CCDC158: variants seen among roughly 807,000 people sequenced by gnomAD.
The protein encoded by CCDC158 is coiled-coil domain-containing protein 158.
CCDC158 carries 116 observed loss-of-function variants against 138.6 expected under a neutral mutation model. The ratio of observed to expected loss-of-function variants is 0.84; its 90% CI spans 0.72 to 0.98. The LOEUF (loss-of-function observed/expected upper bound fraction) is 0.98. Ranked by LOEUF, CCDC158 falls within the 50% of genes least tolerant of loss-of-function variation. The pLI is 0.00. For synonymous variants in CCDC158, 436 were observed against 442.4 expected (o/e 0.99, Z 0.18); for missense variants, 1,265 against 1,306.1 (o/e 0.97, Z 0.48).
intron 7 of CCDC158, among the ~76,000 whole-genome samples, chr4:76,383,248 C>G (rs1726445847): frequency 6.6e-6 from 1 of 152,178 alleles, no homozygotes; most frequent in South Asian, 2.1e-4. Flanking sequence ...TCCTCCCACC[C>G]TCGATATCTG....
chr4:76,344,966 C>T, intron 18 of CCDC158: 1 of 1,492,038 alleles, frequency 6.7e-7, no homozygotes, highest in Non-Finnish European at 9.3e-7. Flanking sequence ...TGAAGAAGTC[C>T]TTTTTACTGG....
chr4:76,384,668 G>GA lies in CCDC158; in HGVS notation c.289-4dup, dbSNP rs548431192. The GA allele has an allele frequency of 4.2e-4, 658 of 1,567,014 alleles. 1 individual carries two copies. The highest frequency in any genetic ancestry group is 7.0e-4 in the East Asian group (31 of 44,226). On this transcript the variant is annotated splice_region_variant and splice_polypyrimidine_tract_variant and intron_variant, in intron 4 of 24. Coordinates refer to ENST00000682701, the MANE Select transcript of CCDC158 (RefSeq NM_001394954.1). ...TGTTTCTCATGCAATTCATTGCTCT[G>GA]AAAAAAAAAGCCATGCAAATTAATC...
At chr4:76,342,936 G>C (rs1434837326) in intron 18 of CCDC158, among the ~76,000 whole-genome samples, 4 of 152,284 alleles carry the variant, frequency 2.6e-5, no homozygotes, top group South Asian at 2.1e-4. Context: ...GATTGGCTAA[G>C]TCTATAGGAG....
chr4:76,359,863 C>G (rs560129533), intron 13 of CCDC158, among the ~76,000 whole-genome samples: 1 of 152,352 alleles, frequency 6.6e-6, no homozygotes, highest in African/African-American at 2.4e-5. Flanking sequence ...AAATTCAAGG[C>G]TGCAGAAATT....
At chr4:76,395,610 G>A (rs1200299292) in intron 4 of CCDC158, among the ~76,000 whole-genome samples, 1 of 152,144 alleles carries the variant, frequency 6.6e-6, no homozygotes, top group African/African-American at 2.4e-5. Context: ...GTCTGGAATA[G>A]CGCAGTATAT....
rs1402886299 is a variant in CCDC158 at position 76,369,468 on chromosome 4, G to A, written c.1305C>T (p.Leu435=). The part of the protein sequence containing the change: ...NMEVQRLEAL[L]KALKSECQGQ... ...CCTGACACTCGCTCTTCAAGGCCTTGAGCAGGGCTTCCAGGCGCTGCACCT... is the reference window on the plus strand; with the variant it reads ...CCTGACACTCGCTCTTCAAGGCCTTAAGCAGGGCTTCCAGGCGCTGCACCT... The change falls in exon 11 of 25, where the codon CTC becomes CTT. Residue 435 remains leucine (L), a synonymous_variant. Transcript: ENST00000682701. The A allele has an allele frequency of 6.2e-7, 1 of 1,614,174 alleles. No individual in the cohort carries two copies. The highest frequency in any genetic ancestry group is 1.7e-5 in the Admixed American group (1 of 60,028).
intron 18 of CCDC158, among the ~76,000 whole-genome samples, chr4:76,339,955 G>A (rs1305908800): frequency 6.6e-6 from 1 of 152,186 alleles, no homozygotes; most frequent in East Asian, 1.9e-4. Flanking sequence ...GCTTTCTAAA[G>A]GTAGATCACT....
At chr4:76,374,373 T>C (rs762199283) in intron 9 of CCDC158, among the ~76,000 whole-genome samples, 1 of 152,168 alleles carries the variant, frequency 6.6e-6, no homozygotes, top group African/African-American at 2.4e-5. Flanking sequence ...AAACACAAAC[T>C]TTACTGTTAC....
intron 2 of CCDC158, among the ~76,000 whole-genome samples, chr4:76,409,252 T>C (rs1265061505): frequency 6.6e-6 from 1 of 152,170 alleles, no homozygotes; most frequent in Non-Finnish European, 1.5e-5. Context: ...GGAATTGAAA[T>C]ATTTTTCCTA....
intron 4 of CCDC158, among the ~76,000 whole-genome samples, chr4:76,394,566 G>A (rs1177241285): frequency 6.6e-6 from 1 of 152,018 alleles, no homozygotes; most frequent in Admixed American, 6.6e-5. Context: ...GTATTTGATA[G>A]CACAACAGGG....
Position 76,325,869 on chromosome 4 carries a change from C to T in CCDC158, c.3157G>A (p.Asp1053Asn). Residue 1053 changes from aspartate (D) to asparagine (N), a missense_variant, in exon 23 of 25, where the codon GAT becomes AAT. By Grantham distance (23) the Asp-to-Asn change is conservative (BLOSUM62 1). Transcript: ENST00000682701. ...AGATCTTTCTTACCTTTAACAGAATCAGATGAATGAATAGGTTTGGCAGAT... is the reference window on the plus strand; with the variant it reads ...AGATCTTTCTTACCTTTAACAGAATTAGATGAATGAATAGGTTTGGCAGAT... ...YRSAKPIHSS[D>N]SVKDSQSPPI... 6.2e-7 allele frequency: 1 copy of T among 1,609,768 alleles called. No homozygotes were observed. Among genetic ancestry groups the T allele is most frequent in the Non-Finnish European group, 8.5e-7 (1 of 1,178,448 alleles).
At chr4:76,405,974 A>G (rs1466557597) in intron 2 of CCDC158, among the ~76,000 whole-genome samples, 1 of 152,210 alleles carries the variant, frequency 6.6e-6, no homozygotes, top group Non-Finnish European at 1.5e-5. Context: ...TGTGAAAAAA[A>G]TACCACAGAA....
chr4:76,399,024 G>A (rs1450221016), intron 3 of CCDC158, among the ~76,000 whole-genome samples: 2 of 152,156 alleles, frequency 1.3e-5, no homozygotes, highest in African/African-American at 4.8e-5. Flanking sequence ...ATTTATCTTA[G>A]ATATAATAAT....
intron 11 of CCDC158, among the ~76,000 whole-genome samples, chr4:76,368,090 G>C (rs769227198): frequency 9.2e-5 from 14 of 152,144 alleles, no homozygotes; most frequent in Non-Finnish European, 1.9e-4. Context: ...TATAACATAT[G>C]TAAGACTGAC....
chr4:76,328,289 C>T (rs919203912), intron 22 of CCDC158, among the ~76,000 whole-genome samples: 1 of 152,192 alleles, frequency 6.6e-6, no homozygotes, highest in Non-Finnish European at 1.5e-5. Flanking sequence ...CAGGAAGGCT[C>T]CAGGCACCTG....
chr4:76,351,160 C>G, intron 17 of CCDC158, 39 bp from the exon 18 acceptor site: 1 of 1,550,590 alleles, frequency 6.4e-7, no homozygotes, highest in African/African-American at 1.4e-5. Flanking sequence ...TAACTGCCAG[C>G]CTACAATTAT....
At chr4:76,361,470 G>A (rs539732802) in intron 13 of CCDC158, among the ~76,000 whole-genome samples, 2 of 152,330 alleles carry the variant, frequency 1.3e-5, no homozygotes, top group African/African-American at 2.4e-5. Context: ...GCTGAGGCAG[G>A]AGAATGGCAT....
chr4:76,371,503 T>C lies in CCDC158; in HGVS notation c.1063A>G (p.Asn355Asp). 6.2e-7 allele frequency: 1 copy of C among 1,614,196 alleles called. No homozygotes were observed. The highest frequency in any genetic ancestry group is 8.5e-7 in the Non-Finnish European group (1 of 1,180,006). The change falls in exon 10 of 25, where the codon AAC (asparagine) becomes GAC (aspartate). Residue 355 changes from asparagine (N) to aspartate (D), a missense_variant. Coordinates refer to ENST00000682701, the MANE Select transcript of CCDC158 (RefSeq NM_001394954.1). ...EELEKQLVLA[N>D]SELTEARTER... ...GTCCGGGCTTCAGTTAGCTCTGAGT[T>C]GGCAAGGACTAACTGCTTTTCCAGC...
At chr4:76,337,002 A>G (rs1721575076) in intron 18 of CCDC158, among the ~76,000 whole-genome samples, 1 of 151,932 alleles carries the variant, frequency 6.6e-6, no homozygotes, top group African/African-American at 2.4e-5. Context: ...TTCCTCTGAG[A>G]CAGAGTCTCA....
Sources: allele counts gnomAD v4.1 joint callset (sites outside exome capture counted in the v4.1 genomes callset), GRCh38; gene constraint gnomAD v4.1.1; transcripts MANE v1.5; gene names NCBI Gene and HGNC (gene_info 2026-07-23, HGNC 2026-07-21).